Variants in ITGB5 observed in about 807,000 individuals in gnomAD.
The protein encoded by ITGB5 is integrin beta-5.
ITGB5 carries 38 observed loss-of-function variants against 84.8 expected under a neutral mutation model. The observed-to-expected ratio is 0.45, with a 90% CI of 0.35 to 0.59. The LOEUF (loss-of-function observed/expected upper bound fraction) is 0.59, where lower values mean the gene tolerates loss of function less well. ITGB5 is among the 20% of genes least tolerant of loss of function. The pLI, the probability that ITGB5 is intolerant of heterozygous loss-of-function variation, is 0.01. For missense variants in ITGB5, 905 were observed against 1,034.5 expected (o/e 0.87, Z 1.72); for synonymous variants, 393 against 414.4 (o/e 0.95, Z 0.63).
At chr3:124,867,963 T>C (rs141656813) in intron 2 of ITGB5, among the ~76,000 whole-genome samples, 1 of 152,322 alleles carries the variant, frequency 6.6e-6, no homozygotes, top group East Asian at 1.9e-4. Context: ...AGAAACCAAG[T>C]GGAGGTAACT....
intron 9 of ITGB5, among the ~76,000 whole-genome samples, chr3:124,799,348 C>T (rs1449368487): frequency 6.6e-6 from 1 of 152,128 alleles, no homozygotes; most frequent in East Asian, 1.9e-4. Context: ...CACTTGAGGC[C>T]AGGAGTTCGA....
intron 2 of ITGB5, among the ~76,000 whole-genome samples, chr3:124,870,807 G>A (rs1933985551): frequency 6.9e-6 from 1 of 145,210 alleles, no homozygotes; most frequent in Admixed American, 6.6e-5. Flanking sequence ...ATAGACAGAT[G>A]GATGGATGGA....
chr3:124,770,808 C>CCGGAAGG (rs1311534795), intron 11 of ITGB5, among the ~76,000 whole-genome samples: 1 of 152,176 alleles, frequency 6.6e-6, no homozygotes, highest in Non-Finnish European at 1.5e-5. Context: ...AGTCACAGCC[C>CCGGAAGG]CGGAAGGCGG....
At chr3:124,864,821 C>T (rs1245234745) in intron 2 of ITGB5, among the ~76,000 whole-genome samples, 1 of 152,116 alleles carries the variant, frequency 6.6e-6, no homozygotes, top group Non-Finnish European at 1.5e-5. Context: ...GTTTCAGATC[C>T]CAGAGACCTG....
intron 10 of ITGB5, among the ~76,000 whole-genome samples, chr3:124,782,854 T>G (rs1579191082): frequency 6.7e-6 from 1 of 150,196 alleles, no homozygotes; most frequent in East Asian, 1.9e-4. Context: ...AGAGTGAAAC[T>G]CCGTCTCAAA....
chr3:124,767,711 G>A (rs938861013), intron 12 of ITGB5, among the ~76,000 whole-genome samples: 1 of 152,192 alleles, frequency 6.6e-6, no homozygotes, highest in Non-Finnish European at 1.5e-5. Context: ...GTCTCCTAAG[G>A]AGATAGACAG....
At chr3:124,842,255 T>C (rs1487022228) in intron 4 of ITGB5, among the ~76,000 whole-genome samples, 1 of 152,246 alleles carries the variant, frequency 6.6e-6, no homozygotes, top group East Asian at 1.9e-4. Context: ...AAGGAAGTAT[T>C]ACACATCAAT....
intron 9 of ITGB5, among the ~76,000 whole-genome samples, chr3:124,798,832 G>A (rs2064273463): frequency 6.6e-6 from 1 of 152,242 alleles, no homozygotes; most frequent in Admixed American, 6.5e-5. Context: ...CTCAGATGCT[G>A]TGACATCTAG....
At chr3:124,795,414 G>A (rs1168063174) in intron 10 of ITGB5, among the ~76,000 whole-genome samples, 1 of 151,964 alleles carries the variant, frequency 6.6e-6, no homozygotes, top group East Asian at 1.9e-4. Flanking sequence ...GCTTGAACCT[G>A]GGAGGCAGAG....
intron 2 of ITGB5, among the ~76,000 whole-genome samples, chr3:124,866,125 A>G (rs2065385458): frequency 1.3e-5 from 2 of 152,058 alleles, no homozygotes; most frequent in South Asian, 4.1e-4. Context: ...CCTCCCGAAT[A>G]GCTGGGACTG....
chr3:124,800,039 C>T (rs1315683375), intron 9 of ITGB5, among the ~76,000 whole-genome samples: 1 of 152,198 alleles, frequency 6.6e-6, no homozygotes, highest in Admixed American at 6.5e-5. Flanking sequence ...CTTTGAGGGG[C>T]AGATGCCATC....
chr3:124,785,905 T>G (rs1405585389), intron 10 of ITGB5, among the ~76,000 whole-genome samples: 1 of 151,734 alleles, frequency 6.6e-6, no homozygotes, highest in Non-Finnish European at 1.5e-5. Context: ...GCCAGGGTGG[T>G]GGGAAGGGTC....
Position 124,773,767 on chromosome 3 carries a change from G to A in ITGB5, c.1839C>T (p.Cys613=). 6.2e-7 allele frequency: 1 copy of A among 1,613,412 alleles called. No individual in the cohort carries two copies. The highest frequency in any genetic ancestry group is 8.5e-7 in the Non-Finnish European group (1 of 1,180,030). Residue 613 remains cysteine (C), a synonymous_variant, in exon 11 of 15, where the codon TGC becomes TGT. Coordinates refer to ENST00000296181, the MANE Select transcript of ITGB5 (RefSeq NM_002213.5). ...SERGHCLCGQ[C]QCTEPGAFGE... ...CAAAGGCCCCCGGCTCCGTGCATTG[G>A]CACTGCCCACAGAGACAGTGCCCAC...
At chr3:124,873,033 T>C (rs962271948) in intron 2 of ITGB5, among the ~76,000 whole-genome samples, 2 of 111,830 alleles carry the variant, frequency 1.8e-5, no homozygotes, top group Non-Finnish European at 4.4e-5. Context: ...CTAATATTTA[T>C]TCTCAAGTAA....
At chr3:124,899,324 T>C (rs1253961182) in intron 1 of ITGB5, among the ~76,000 whole-genome samples, 5 of 152,056 alleles carry the variant, frequency 3.3e-5, no homozygotes, top group Admixed American at 6.6e-5. Flanking sequence ...AAACAGAGGA[T>C]TTTCCCTCAG....
chr3:124,869,228 TAAG>T (rs1198235179), intron 2 of ITGB5, among the ~76,000 whole-genome samples: 2 of 152,122 alleles, frequency 1.3e-5, no homozygotes, highest in African/African-American at 4.8e-5. Context: ...GATATATGGT[TAAG>T]AAGGCACCCA....
At chr3:124,804,439 T>C (rs1057178838) in intron 9 of ITGB5, among the ~76,000 whole-genome samples, 32 of 152,016 alleles carry the variant, frequency 2.1e-4, no homozygotes, top group Admixed American at 1.4e-3. Context: ...TCCCAGCTAC[T>C]TGGGAGGCTG....
intron 10 of ITGB5, among the ~76,000 whole-genome samples, chr3:124,780,295 G>A (rs377114696): frequency 2.8e-4 from 43 of 152,314 alleles, no homozygotes; most frequent in African/African-American, 1.0e-3. Context: ...GACCGCAGAG[G>A]GCTAGCAGGA....
At chr3:124,796,906 C>T (rs1343585958) in intron 9 of ITGB5, 89 bp from the exon 10 acceptor site, 19 of 1,315,938 alleles carry the variant, frequency 1.4e-5, no homozygotes, top group Non-Finnish European at 1.9e-5. Context: ...TGAAGAGCAG[C>T]TGCGAACTCC....
Sources: gnomAD v4.1 joint callset for allele counts (sites outside exome capture counted in the v4.1 genomes callset) on GRCh38, gnomAD v4.1.1 for gene constraint, MANE v1.5 for transcripts, NCBI Gene and HGNC (gene_info 2026-07-23, HGNC 2026-07-21) for gene names.